CCDC170: variants seen among roughly 807,000 people sequenced by gnomAD.
CCDC170 encodes coiled-coil domain-containing protein 170.
CCDC170 carries 69 observed loss-of-function variants against 72.6 expected under a neutral mutation model. That is an observed-to-expected ratio of 0.95 (90% CI 0.78 to 1.16). CCDC170 has a LOEUF of 1.16. Among genes scored for constraint, CCDC170 ranks in the 50% most tolerant of loss-of-function variants. CCDC170 has a pLI of 0.00. For synonymous variants in CCDC170, 300 were observed against 303.9 expected, an observed-to-expected ratio of 0.99 and a Z score of 0.13; for missense variants, 852 against 832.5, an observed-to-expected ratio of 1.02 and a Z score of -0.29.
At chr6:151,532,683 C>T (rs1782507316) in intron 1 of CCDC170, among the ~76,000 whole-genome samples, 1 of 151,930 alleles carries the variant, frequency 6.6e-6, no homozygotes, top group Non-Finnish European at 1.5e-5. Context: ...GAAGCCTCAA[C>T]ATTTAAAACA....
intron 1 of CCDC170, among the ~76,000 whole-genome samples, chr6:151,505,306 C>T (rs1422162075): frequency 6.6e-6 from 1 of 152,166 alleles, no homozygotes; most frequent in East Asian, 1.9e-4. Flanking sequence ...TCCTGCCTCC[C>T]CTTTCCCCTG....
chr6:151,615,816 G>A (rs989278291), intron 10 of CCDC170, 137 bp downstream of exon 10: 17 of 688,826 alleles, frequency 2.5e-5, no homozygotes, highest in African/African-American at 1.1e-4. Flanking sequence ...ATCGTTTTAC[G>A]AGGGCCGTGC....
rs34730093 is a variant in CCDC170 at position 151,521,985 on chromosome 6, C to CA, written c.58-14308dup. Among the ~76,000 whole-genome samples, 743 of 77,554 alleles carry CA rather than the reference C, an allele frequency of 9.6e-3. 5 individuals are homozygous for CA. Among genetic ancestry groups the CA allele is most frequent in the Non-Finnish European group, 0.013 (504 of 38,822 alleles). 50.9% of individuals were successfully genotyped at this position (77,554 alleles called of 152,430 possible). A position where few individuals can be genotyped will look rare whatever the true frequency, so the allele number is the denominator to read the frequency against. On this transcript the variant is annotated intron_variant, in intron 1 of 10. Coordinates refer to ENST00000239374, the MANE Select transcript of CCDC170 (RefSeq NM_025059.4). The stretch of plus-strand genomic sequence containing the variant: ...TGGGTGACTGAGCGAGACTCTGTCT[C>CA]AAAAAAAAAAAAAAAAAAAAAAAAA...
chr6:151,521,862 T>C (rs1782321531), intron 1 of CCDC170, among the ~76,000 whole-genome samples: 1 of 151,966 alleles, frequency 6.6e-6, no homozygotes. Context: ...GGCAGGCCCC[T>C]GTAGTCCCAG....
In CCDC170 at chr6:151,527,629, G is replaced by A. The variant is rs150337613; in HGVS notation, c.58-8689G>A. On this transcript the variant is annotated intron_variant, in intron 1 of 10. Coordinates refer to ENST00000239374, the MANE Select transcript of CCDC170 (RefSeq NM_025059.4). The stretch of plus-strand genomic sequence containing the variant: ...ACAGTAGGGGAGAGCTTCTTAGAAG[G>A]AGTTGCTTACTGGGCACCACTGGAA... Among the ~76,000 whole-genome samples the A allele has an allele frequency of 6.6e-5, 10 of 152,246 alleles. No individual in the cohort carries two copies. In the East Asian group the frequency reaches 1.7e-3, roughly 26 times the overall value.
chr6:151,564,889 G>A (rs1335292751), intron 5 of CCDC170, among the ~76,000 whole-genome samples: 3 of 152,188 alleles, frequency 2.0e-5, no homozygotes, highest in East Asian at 1.9e-4. Flanking sequence ...GGTGATCCCT[G>A]GACTCCTGGA....
chr6:151,554,591 G>A (rs941981038), intron 5 of CCDC170, among the ~76,000 whole-genome samples: 13 of 152,188 alleles, frequency 8.5e-5, no homozygotes, highest in African/African-American at 2.9e-4. Flanking sequence ...CAAGCGTGTG[G>A]TGGGCACCTG....
chr6:151,504,327 A>T (rs1682363593), intron 1 of CCDC170, among the ~76,000 whole-genome samples: 1 of 152,220 alleles, frequency 6.6e-6, no homozygotes, highest in Non-Finnish European at 1.5e-5. Flanking sequence ...GCCAGGCAAC[A>T]AATGGAGTTA....
chr6:151,536,302 G>T lies in CCDC170; in HGVS notation c.58-16G>T, dbSNP rs777733823. ...CACTCTTCTTTATATTTTGTATTTT[G>T]GGGGAATTCTACCAGGAAACTTACG... is the stretch of plus-strand genomic sequence containing the variant. On this transcript the variant is annotated splice_polypyrimidine_tract_variant and intron_variant, in intron 1 of 10. Coordinates refer to ENST00000239374, the MANE Select transcript of CCDC170 (RefSeq NM_025059.4). 11 of 1,612,364 alleles carry T rather than the reference G, an allele frequency of 6.8e-6. No homozygotes were observed. In the South Asian group the frequency reaches 1.1e-4, roughly 16 times the overall value.
At chr6:151,549,870 T>C (rs1206789048) in intron 5 of CCDC170, among the ~76,000 whole-genome samples, 1 of 152,250 alleles carries the variant, frequency 6.6e-6, no homozygotes, top group African/African-American at 2.4e-5. Flanking sequence ...AGTGGCAATA[T>C]ACTATACATT....
chr6:151,560,643 G>A (rs1783062316), intron 5 of CCDC170, among the ~76,000 whole-genome samples: 1 of 152,052 alleles, frequency 6.6e-6, no homozygotes, highest in African/African-American at 2.4e-5. Context: ...TGGGTGCTCT[G>A]AATCTGTGTG....
chr6:151,609,075 C>T (rs2115136861), intron 9 of CCDC170, among the ~76,000 whole-genome samples: 1 of 152,248 alleles, frequency 6.6e-6, no homozygotes, highest in South Asian at 2.1e-4. Context: ...TGAGTTTTTG[C>T]ATCTCAGAAG....
At chr6:151,606,441 T>C (rs916291814) in intron 9 of CCDC170, among the ~76,000 whole-genome samples, 4 of 152,198 alleles carry the variant, frequency 2.6e-5, no homozygotes, top group African/African-American at 7.2e-5. Context: ...AAAGTTTCTC[T>C]TGTGATTGAT....
chr6:151,494,258 C>G, intron 1 of CCDC170, 73 bp downstream of exon 1: 3 of 1,389,236 alleles, frequency 2.2e-6, no homozygotes, highest in Admixed American at 2.9e-5. Context: ...CCGAGGCGCC[C>G]CTGATTTGCA....
chr6:151,519,697 C>T (rs1017962693), intron 1 of CCDC170, among the ~76,000 whole-genome samples: 10 of 152,136 alleles, frequency 6.6e-5, no homozygotes, highest in African/African-American at 1.7e-4. Context: ...CCTGACTTCC[C>T]GCAACATATA....
At chr6:151,603,752 T>G (rs1203583145) in intron 9 of CCDC170, among the ~76,000 whole-genome samples, 1 of 152,212 alleles carries the variant, frequency 6.6e-6, no homozygotes, top group African/African-American at 2.4e-5. Flanking sequence ...CAATGCCATC[T>G]TTTAGGCCAA....
chr6:151,595,440 T>C (rs1776607204), intron 8 of CCDC170, among the ~76,000 whole-genome samples: 1 of 152,168 alleles, frequency 6.6e-6, no homozygotes, highest in East Asian at 1.9e-4. Context: ...GTCCCTTTTA[T>C]TTCTAAGATT....
intron 8 of CCDC170, among the ~76,000 whole-genome samples, 177 bp downstream of exon 8, chr6:151,593,457 C>A (rs1208646066): frequency 2.0e-5 from 3 of 150,920 alleles, no homozygotes; most frequent in Non-Finnish European, 4.4e-5. Context: ...GTGTATCTGT[C>A]ACCTAAGGTT....
At chr6:151,598,697 G>A (rs941754077) in intron 9 of CCDC170, among the ~76,000 whole-genome samples, 3 of 152,126 alleles carry the variant, frequency 2.0e-5, no homozygotes, top group African/African-American at 7.2e-5. Flanking sequence ...AAAGAAGGAG[G>A]GGAGAGAAGA....
Sources: allele counts gnomAD v4.1 joint callset (sites outside exome capture counted in the v4.1 genomes callset), GRCh38; gene constraint gnomAD v4.1.1; transcripts MANE v1.5; gene names NCBI Gene and HGNC (gene_info 2026-07-23, HGNC 2026-07-21).